SLC27A6: variants seen among roughly 807,000 people sequenced by gnomAD.
SLC27A6 encodes the protein solute carrier family 27 member 6.
In SLC27A6, 74 loss-of-function variants were observed where a neutral mutation model predicts 63.9. The ratio of observed to expected loss-of-function variants is 1.16; its 90% confidence interval spans 0.96 to 1.40. The LOEUF is 1.40. SLC27A6 is among the 40% of genes most tolerant of loss of function. The pLI is 0.00. For missense variants in SLC27A6, 794 were observed against 732.9 expected (o/e 1.08, Z -0.96); for synonymous variants, 287 against 260.8 (o/e 1.10, Z -0.97).
At chr5:129,013,145 A>G (rs1233722418) in intron 4 of SLC27A6, among the ~76,000 whole-genome samples, 3 of 152,040 alleles carry the variant, frequency 2.0e-5, no homozygotes, top group Non-Finnish European at 4.4e-5. Flanking sequence ...CTGGAAGGAT[A>G]CAAGATTAAT....
At chr5:129,013,170 A>T (rs1444838221) in intron 4 of SLC27A6, among the ~76,000 whole-genome samples, 2 of 152,040 alleles carry the variant, frequency 1.3e-5, no homozygotes, top group Middle Eastern at 3.2e-3. Flanking sequence ...AACTTACCAC[A>T]TTCTATCTTC....
At chr5:128,987,578 G>A (rs1233868333) in intron 2 of SLC27A6, among the ~76,000 whole-genome samples, 11 of 152,056 alleles carry the variant, frequency 7.2e-5, no homozygotes, top group Admixed American at 2.0e-4. Context: ...TTAATATTCT[G>A]AAAGATGGGG....
chr5:128,970,641 T>C (rs1750112423), intron 1 of SLC27A6, among the ~76,000 whole-genome samples: 1 of 152,156 alleles, frequency 6.6e-6, no homozygotes, highest in African/African-American at 2.4e-5. Context: ...TATTTGACTC[T>C]TCTCTCTTTT....
rs1196368694 is a variant in SLC27A6 at position 129,027,275 on chromosome 5, A to G, written c.1398A>G (p.Ile466Met). Residue 466 changes from isoleucine to methionine, a missense_variant, in exon 7 of 10, where the codon ATA becomes ATG. By Grantham distance (10) the Ile-to-Met change is conservative. Coordinates refer to ENST00000262462, the MANE Select transcript of SLC27A6 (RefSeq NM_001017372.3). ...GDVYLNTGDL[I>M]VQDQDNFLYF... is the part of the protein sequence containing the mutation. ...TTTACCTTAATACTGGAGACTTAATAGTCCAGGATCAGGACAATTTCCTTT... is the reference window on the plus strand; with the variant it reads ...TTTACCTTAATACTGGAGACTTAATGGTCCAGGATCAGGACAATTTCCTTT... 3 of 1,613,146 alleles carry G rather than the reference A, an allele frequency of 1.9e-6. No homozygotes were observed. The highest frequency in any genetic ancestry group is 2.5e-6 in the Non-Finnish European group (3 of 1,179,218).
At chr5:128,977,328 TC>T (rs1750424378) in intron 1 of SLC27A6, among the ~76,000 whole-genome samples, 1 of 152,162 alleles carries the variant, frequency 6.6e-6, no homozygotes, top group Non-Finnish European at 1.5e-5. Context: ...TGCATCAACA[TC>T]TATTTGTGAA....
chr5:129,031,332 G>C (rs1752407597), intron 9 of SLC27A6, among the ~76,000 whole-genome samples: 1 of 151,938 alleles, frequency 6.6e-6, no homozygotes, highest in Admixed American at 6.6e-5. Flanking sequence ...GACAAAATGA[G>C]TCAAACAAGT....
intron 1 of SLC27A6, among the ~76,000 whole-genome samples, chr5:128,967,609 C>A (rs1749955771): frequency 6.6e-6 from 1 of 152,036 alleles, no homozygotes; most frequent in Non-Finnish European, 1.5e-5. Context: ...TTTCAAATAA[C>A]CTTTATGATA....
At chr5:129,020,312 A>AC (rs1384151668) in intron 5 of SLC27A6, among the ~76,000 whole-genome samples, 1 of 152,182 alleles carries the variant, frequency 6.6e-6, no homozygotes, top group Non-Finnish European at 1.5e-5. Flanking sequence ...CTGAATGAAA[A>AC]ATCATGGCCA....
intron 4 of SLC27A6, among the ~76,000 whole-genome samples, chr5:128,992,413 T>C (rs1751016722): frequency 6.6e-6 from 1 of 152,132 alleles, no homozygotes; most frequent in South Asian, 2.1e-4. Context: ...CTGGAGGCAT[T>C]TAAATAAGAC....
intron 4 of SLC27A6, among the ~76,000 whole-genome samples, chr5:129,006,224 G>T (rs551265031): frequency 1.3e-5 from 2 of 151,360 alleles, no homozygotes; most frequent in South Asian, 2.1e-4. Context: ...CACTACAGGC[G>T]CCAGCCGCCG....
chr5:128,966,232 G>A lies in SLC27A6; in HGVS notation c.95G>A (p.Trp32Ter). Reference protein sequence around the residue: ...LLFPYFWDDFWFVLKVVLIII... With the variant: ...LLFPYFWDDF ...TTCCCTTACTTTTGGGATGACTTCT[G>A]GTTCGTGTTGAAGGTGGTGCTCATT... The change falls in exon 1 of 10, where the codon TGG becomes TAG. Residue 32 changes from tryptophan (W) to a stop codon, truncating the protein, a stop_gained. Coordinates refer to ENST00000262462, the MANE Select transcript of SLC27A6 (RefSeq NM_001017372.3). LOFTEE classifies it high-confidence loss of function. 1 of 1,613,106 alleles carries A rather than the reference G, an allele frequency of 6.2e-7. No homozygotes were observed. The highest frequency in any genetic ancestry group is 8.5e-7 in the Non-Finnish European group (1 of 1,179,464).
chr5:128,968,663 G>C (rs894333212), intron 1 of SLC27A6, among the ~76,000 whole-genome samples: 2 of 151,962 alleles, frequency 1.3e-5, no homozygotes, highest in Admixed American at 1.3e-4. Context: ...CTAGATATTA[G>C]CCATTTGTCA....
At chr5:128,971,668 G>T (rs1161571011) in intron 1 of SLC27A6, among the ~76,000 whole-genome samples, 1 of 152,026 alleles carries the variant, frequency 6.6e-6, no homozygotes, top group Non-Finnish European at 1.5e-5. Flanking sequence ...CTGCACGTGA[G>T]ATGGGTCTCC....
intron 4 of SLC27A6, among the ~76,000 whole-genome samples, chr5:129,009,401 T>C (rs1244787839): frequency 6.6e-6 from 1 of 152,088 alleles, no homozygotes; most frequent in Non-Finnish European, 1.5e-5. Context: ...ACTCACATAC[T>C]CACTATCCAC....
chr5:129,007,589 A>G (rs1235495077), intron 4 of SLC27A6, among the ~76,000 whole-genome samples: 2 of 152,104 alleles, frequency 1.3e-5, no homozygotes, highest in Non-Finnish European at 2.9e-5. Context: ...ATAAAAAGAA[A>G]TTAAACACAA....
At chr5:128,972,351 A>G (rs62399682) in intron 1 of SLC27A6, among the ~76,000 whole-genome samples, 36,664 of 152,082 alleles carry the variant, frequency 0.24, 4,965 homozygotes, top group Middle Eastern at 0.33. Flanking sequence ...ATATCCTGAA[A>G]AGTGTTTTCC....
Position 128,983,592 on chromosome 5 carries a change from G to T in SLC27A6, c.482-1541G>T, listed in dbSNP as rs191279499. ...TTACAGGCATGAGCCACCGGGCCTGGCCAATCTGTATCTATTTTACATTTA... is the reference window on the plus strand; with the variant it reads ...TTACAGGCATGAGCCACCGGGCCTGTCCAATCTGTATCTATTTTACATTTA... On this transcript the variant is annotated intron_variant, in intron 1 of 9. Coordinates refer to ENST00000262462, the MANE Select transcript of SLC27A6 (RefSeq NM_001017372.3). Among the ~76,000 whole-genome samples the T allele has an allele frequency of 3.5e-3, 531 of 152,158 alleles. 1 individual carries two copies. Among genetic ancestry groups the T allele is most frequent in the African/African-American group, 9.5e-3 (393 of 41,518 alleles).
chr5:128,981,309 C>T (rs1237294823), intron 1 of SLC27A6, among the ~76,000 whole-genome samples: 6 of 151,830 alleles, frequency 4.0e-5, no homozygotes, highest in African/African-American at 7.3e-5. Flanking sequence ...GTAAAAACCC[C>T]GTCTCTACTA....
intron 4 of SLC27A6, among the ~76,000 whole-genome samples, chr5:129,014,499 T>G (rs1353443033): frequency 6.6e-6 from 1 of 152,204 alleles, no homozygotes; most frequent in Non-Finnish European, 1.5e-5. Context: ...GGAACAGGTA[T>G]GCATGACCTG....
Sources: allele counts gnomAD v4.1 joint callset (sites outside exome capture counted in the v4.1 genomes callset), GRCh38; gene constraint gnomAD v4.1.1; transcripts MANE v1.5; gene names NCBI Gene and HGNC (gene_info 2026-07-23, HGNC 2026-07-21).